MTO1: variants seen among roughly 807,000 people sequenced by gnomAD.
The protein encoded by MTO1 is 5-taurinomethyluridine-[tRNA] synthase subunit MTO1, mitochondrial.
Under a neutral mutation model 71.6 loss-of-function variants are expected in MTO1, and 46 were observed. The ratio of observed to expected loss-of-function variants is 0.64; its 90% confidence interval spans 0.51 to 0.82. The LOEUF is 0.82. MTO1 is among the 40% of genes least tolerant of loss of function. The pLI is 0.00. For synonymous variants in MTO1, 297 were observed against 312.1 expected (o/e 0.95, Z 0.51); for missense variants, 773 against 867.5 (o/e 0.89, Z 1.37).
intron 3 of MTO1, among the ~76,000 whole-genome samples, chr6:73,469,514 C>G (rs1029727909): frequency 6.6e-6 from 1 of 152,036 alleles, no homozygotes; most frequent in African/African-American, 2.4e-5. Context: ...CCCAGCTACT[C>G]AGGAGGCTGA....
At chr6:73,490,926 G>A (rs1453249703) in intron 9 of MTO1, among the ~76,000 whole-genome samples, 1 of 152,118 alleles carries the variant, frequency 6.6e-6, no homozygotes, top group Non-Finnish European at 1.5e-5. Context: ...GATTAAAGTG[G>A]TCATAGGAGC....
intron 4 of MTO1, among the ~76,000 whole-genome samples, chr6:73,476,637 ATTC>A (rs1188942161): frequency 1.3e-5 from 2 of 152,018 alleles, no homozygotes; most frequent in South Asian, 2.1e-4. Flanking sequence ...ATTTATTCTT[ATTC>A]TTTTTTTTCT....
rs1296193478 is a variant in MTO1 at position 73,466,517 on chromosome 6, C to G, written c.446C>G (p.Thr149Ser). 6.2e-7 allele frequency: 1 copy of G among 1,614,186 alleles called. No individual in the cohort carries two copies. Among genetic ancestry groups the G allele is most frequent in the South Asian group, 1.1e-5 (1 of 91,082 alleles). ...QKEILNTPLL[T>S]VQEGAVEDLI... ...GAAATCTTGAATACACCACTGCTTACTGTTCAGGAGGGAGCTGTAGAAGAT... is the reference window on the plus strand; with the variant it reads ...GAAATCTTGAATACACCACTGCTTAGTGTTCAGGAGGGAGCTGTAGAAGAT... The change falls in exon 3 of 12, where the codon ACT becomes AGT. Residue 149 changes from threonine (T) to serine (S), a missense_variant. Transcript: ENST00000498286.
Position 73,482,540 on chromosome 6 carries a change from A to C in MTO1, c.1557A>C (p.Lys519Asn). Residue 519 changes from lysine (K) to asparagine (N), a missense_variant, in exon 9 of 12, where the codon AAA (lysine) becomes AAC (asparagine). Coordinates refer to ENST00000498286, the MANE Select transcript of MTO1 (RefSeq NM_012123.4). ...SSLEEGISVL[K>N]SIEFLSSKWK... is the part of the protein sequence containing the mutation. Reference sequence around the variant, plus strand: ...TAGAAGAAGGCATTTCTGTGTTGAAATCTATTGAGTTTTTGAGCTCTAAAT... The same window carrying C: ...TAGAAGAAGGCATTTCTGTGTTGAACTCTATTGAGTTTTTGAGCTCTAAAT... The C allele has an allele frequency of 6.2e-7, 1 of 1,612,554 alleles. No homozygotes were observed. Among genetic ancestry groups the C allele is most frequent in the Admixed American group, 1.7e-5 (1 of 59,978 alleles).
chr6:73,462,215 C>A, intron 1 of MTO1, 144 bp downstream of exon 1: 2 of 877,968 alleles, frequency 2.3e-6, no homozygotes, highest in Non-Finnish European at 3.5e-6. Context: ...CGATCAGTGT[C>A]TCGCAAGGAT....
At chr6:73,466,834 A>G (rs1771014456) in intron 3 of MTO1, among the ~76,000 whole-genome samples, 2 of 152,164 alleles carry the variant, frequency 1.3e-5, no homozygotes, top group Admixed American at 6.6e-5. Context: ...ATCTTAGTGT[A>G]GAACTTTGTA....
chr6:73,498,233 C>T (rs78228579), intron 11 of MTO1, among the ~76,000 whole-genome samples: 1,888 of 151,796 alleles, frequency 0.012, 19 homozygotes, highest in Non-Finnish European at 0.018. Context: ...AACTTGACCT[C>T]AGATTTTTTT....
Position 73,502,144 on chromosome 6 carries a change from G to GTA in MTO1, c.*1415_*1416dup, listed in dbSNP as rs1772176522. Reference sequence around the variant, plus strand: ...AATATTAATTACAATACCACATTGTGTATATATTTTGAAAAGAGGCTGGTT... The same window carrying GTA: ...AATATTAATTACAATACCACATTGTGTATATATATTTTGAAAAGAGGCTGGTT... On this transcript the variant is annotated 3_prime_UTR_variant, in exon 12 of 12. Transcript: ENST00000498286. 1 of 152,168 alleles carries GTA rather than the reference G, an allele frequency of 6.6e-6. No individual in the cohort carries two copies. 9.4% of individuals were successfully genotyped at this position (152,168 alleles called of 1,614,324 possible).
At chr6:73,484,063 G>GC (rs1336549688) in intron 9 of MTO1, among the ~76,000 whole-genome samples, 4 of 152,072 alleles carry the variant, frequency 2.6e-5, no homozygotes, top group African/African-American at 9.7e-5. Flanking sequence ...ACAGGGATGA[G>GC]CCACCATGCC....
At chr6:73,480,327 C>G (rs1159982064) in intron 6 of MTO1, 4 of 720,860 alleles carry the variant, frequency 5.5e-6, no homozygotes, top group Non-Finnish European at 9.8e-6. Context: ...GGATGGAGTG[C>G]AATGGTGCGA....
At position 73,461,956 on chromosome 6, in the gene MTO1, T is replaced by C; in HGVS notation, c.102T>C (p.Thr34=). Residue 34 remains threonine, a synonymous_variant, in exon 1 of 12, where the codon ACT becomes ACC. Coordinates refer to ENST00000498286, the MANE Select transcript of MTO1 (RefSeq NM_012123.4). ...GCAGTGACAGCGCGGCGCCCCGGACTCCGCACTTCGACGTGATAGTCATTG... is the reference window on the plus strand; with the variant it reads ...GCAGTGACAGCGCGGCGCCCCGGACCCCGCACTTCGACGTGATAGTCATTG... ...RLSSDSAAPR[T]PHFDVIVIGG... is the part of the protein sequence containing the mutation. 6.8e-6 allele frequency: 11 copies of C among 1,614,222 alleles called. No homozygotes were observed. Among genetic ancestry groups the C allele is most frequent in the Non-Finnish European group, 8.5e-6 (10 of 1,180,026 alleles).
intron 3 of MTO1, among the ~76,000 whole-genome samples, chr6:73,466,996 C>T (rs1313049141): frequency 6.6e-6 from 1 of 151,286 alleles, no homozygotes; most frequent in African/African-American, 2.5e-5. Context: ...ATCAAAATAA[C>T]TCATGCATAT....
At chr6:73,478,460 C>A (rs915233565) in intron 4 of MTO1, among the ~76,000 whole-genome samples, 1 of 152,010 alleles carries the variant, frequency 6.6e-6, no homozygotes, top group Admixed American at 6.6e-5. Context: ...TGAGTGTTAT[C>A]CTGATGTATG....
chr6:73,478,745 T>A (rs1771402775), intron 4 of MTO1, among the ~76,000 whole-genome samples: 1 of 151,654 alleles, frequency 6.6e-6, no homozygotes, highest in African/African-American at 2.4e-5. Flanking sequence ...TTTTACCATG[T>A]TGACCAGGCT....
chr6:73,494,677 A>G (rs973623262), intron 10 of MTO1, among the ~76,000 whole-genome samples: 3 of 149,424 alleles, frequency 2.0e-5, no homozygotes, highest in African/African-American at 2.5e-5. Flanking sequence ...GGGTTTCACT[A>G]TTTGGCCAGG....
At chr6:73,497,365 G>A (rs138594802) in intron 10 of MTO1, among the ~76,000 whole-genome samples, 27 of 151,684 alleles carry the variant, frequency 1.8e-4, no homozygotes, top group African/African-American at 6.5e-4. Context: ...TGTTCCCCAT[G>A]CTGGTCTCGA....
chr6:73,505,558 TTTTG>T lies in MTO1; in HGVS notation c.*4827_*4830del, dbSNP rs1028681277. On this transcript the variant is annotated 3_prime_UTR_variant, in exon 12 of 12. Coordinates refer to ENST00000498286, the MANE Select transcript of MTO1 (RefSeq NM_012123.4). ...CAGAATTTCAGTTTTTTTGTTTTGT[TTTTG>T]TTTTTGTTTTTGAGATGGAGCCTCA... The T allele has an allele frequency of 1.4e-4, 4 of 28,458 alleles. No individual in the cohort carries two copies. The highest frequency in any genetic ancestry group is 3.2e-4 in the African/African-American group (4 of 12,320). 1.8% of individuals were successfully genotyped at this position (28,458 alleles called of 1,614,324 possible).
At chr6:73,462,428 A>G (rs1770852178) in intron 1 of MTO1, 2 of 264,346 alleles carry the variant, frequency 7.6e-6, no homozygotes, top group Admixed American at 9.9e-5. Flanking sequence ...GTGAATTAAC[A>G]TTATTAACAA....
In MTO1 at chr6:73,507,370, C is replaced by T. The variant is rs1250771714; in HGVS notation, c.*6635C>T. 7 of 152,242 alleles carry T rather than the reference C, an allele frequency of 4.6e-5. No individual in the cohort carries two copies. The East Asian group carries it at 1.4e-3, about 29-fold the overall frequency. The allele number at this position is 152,242 out of a possible 1,614,324, so 9.4% of individuals were successfully genotyped here. On this transcript the variant is annotated 3_prime_UTR_variant, in exon 12 of 12. Coordinates refer to ENST00000498286, the MANE Select transcript of MTO1 (RefSeq NM_012123.4). The stretch of plus-strand genomic sequence containing the variant: ...AATGTTTCTTATTGTGGATCACAGT[C>T]AAAAGTTTGAAAAAACACAATCTGT...
Sources: allele counts gnomAD v4.1 joint callset (sites outside exome capture counted in the v4.1 genomes callset), GRCh38; gene constraint gnomAD v4.1.1; transcripts MANE v1.5; gene names NCBI Gene and HGNC (gene_info 2026-07-23, HGNC 2026-07-21).